SIPA1L2: variants seen among roughly 807,000 people sequenced by gnomAD.
SIPA1L2 encodes the protein signal induced proliferation associated 1 like 2, also known as signal-induced proliferation-associated 1-like protein 2.
SIPA1L2 carries 56 observed loss-of-function variants against 163.9 expected under a neutral mutation model. The observed-to-expected ratio is 0.34, with a 90% CI of 0.28 to 0.43. The LOEUF (loss-of-function observed/expected upper bound fraction) is 0.43. SIPA1L2 is among the 20% of genes least tolerant of loss of function. SIPA1L2 has a pLI of 1.00. For missense variants in SIPA1L2, 1,974 were observed against 2,193.5 expected, an observed-to-expected ratio of 0.90 and a Z score of 2.00; for synonymous variants, 877 against 865.7, an observed-to-expected ratio of 1.01 and a Z score of -0.23.
intron 9 of SIPA1L2, 102 bp from the exon 10 acceptor site, chr1:232,461,263 G>A: frequency 1.4e-6 from 2 of 1,440,730 alleles, no homozygotes; most frequent in Non-Finnish European, 1.9e-6. Flanking sequence ...CCTCTCCCTT[G>A]GGCCCTCGCA....
At chr1:232,556,531 A>G (rs1410131210) in intron 2 of SIPA1L2, among the ~76,000 whole-genome samples, 3 of 152,208 alleles carry the variant, frequency 2.0e-5, no homozygotes, top group African/African-American at 7.2e-5. Context: ...GCAGCTATCA[A>G]TGGCACATAA....
intron 1 of SIPA1L2, among the ~76,000 whole-genome samples, chr1:232,590,128 G>C (rs1660886254): frequency 6.6e-6 from 1 of 152,108 alleles, no homozygotes; most frequent in Non-Finnish European, 1.5e-5. Context: ...CCCCACAAGG[G>C]AAGTCAAGTC....
chr1:232,611,443 C>A (rs973912236), intron 1 of SIPA1L2, among the ~76,000 whole-genome samples: 24 of 152,106 alleles, frequency 1.6e-4, no homozygotes, highest in African/African-American at 5.3e-4. Context: ...TGGAACTTGC[C>A]TGAGACTCGT....
rs55961523 is a variant in SIPA1L2 at position 232,424,322 on chromosome 1, CAAAAAAAAAAAAA to C, written c.4630+1254_4630+1266del. 7.1e-3 allele frequency among the ~76,000 whole-genome samples: 513 copies of C among 71,820 alleles called. 5 individuals carry two copies. Among genetic ancestry groups the C allele is most frequent in the African/African-American group, 0.027 (487 of 18,088 alleles). 47.1% of individuals were successfully genotyped at this position (71,820 alleles called of 152,430 possible). A position where few individuals can be genotyped will look rare whatever the true frequency, so the allele number is the denominator to read the frequency against. On this transcript the variant is annotated intron_variant, in intron 18 of 22. Transcript: ENST00000674635. ...TCTATTTTTTTTTAAGTGAAGCTAACAAAAAAAAAAAAAAAAAAAAAAAAAAAAGGACATACAT... is the reference window on the plus strand; with the variant it reads ...TCTATTTTTTTTTAAGTGAAGCTAACAAAAAAAAAAAAAAAGGACATACAT...
intron 2 of SIPA1L2, among the ~76,000 whole-genome samples, chr1:232,534,334 A>G (rs1463699682): frequency 2.6e-5 from 4 of 152,234 alleles, no homozygotes; most frequent in Non-Finnish European, 4.4e-5. Flanking sequence ...CTGGCTATCT[A>G]TATACAAAAG....
At chr1:232,502,726 C>T (rs1666543216) in intron 3 of SIPA1L2, among the ~76,000 whole-genome samples, 1 of 152,182 alleles carries the variant, frequency 6.6e-6, no homozygotes, top group African/African-American at 2.4e-5. Flanking sequence ...AGCTTTTATG[C>T]CTCCTAACCA....
At chr1:232,549,995 GA>G (rs1553311421) in intron 2 of SIPA1L2, among the ~76,000 whole-genome samples, 1 of 152,166 alleles carries the variant, frequency 6.6e-6, no homozygotes, top group Non-Finnish European at 1.5e-5. Context: ...TTTCTGTGCA[GA>G]AATAGAGAAT....
chr1:232,541,854 T>TA (rs10585668), intron 2 of SIPA1L2, among the ~76,000 whole-genome samples: 56 of 135,686 alleles, frequency 4.1e-4, no homozygotes, highest in East Asian at 3.8e-3. Context: ...CCTACAGATT[T>TA]AAAAAAAAAA....
intron 3 of SIPA1L2, among the ~76,000 whole-genome samples, chr1:232,499,787 T>C (rs1666372190): frequency 6.8e-6 from 1 of 147,804 alleles, no homozygotes; most frequent in Non-Finnish European, 1.5e-5. Context: ...AATGCCTAGT[T>C]TCAAAGCTTC....
intron 22 of SIPA1L2, among the ~76,000 whole-genome samples, chr1:232,399,849 T>C (rs920977629): frequency 1.3e-5 from 2 of 151,522 alleles, no homozygotes; most frequent in Admixed American, 6.5e-5. Context: ...GCAGTTTCAG[T>C]TCCCCCCCTG....
Position 232,465,186 on chromosome 1 carries a change from G to A in SIPA1L2, c.2474C>T (p.Ser825Phe). The A allele has an allele frequency of 6.2e-7, 1 of 1,614,206 alleles. No individual in the cohort carries two copies. Among genetic ancestry groups the A allele is most frequent in the African/African-American group, 1.3e-5 (1 of 75,046 alleles). The change falls in exon 9 of 23, where the codon TCT (serine) becomes TTT (phenylalanine). Residue 825 changes from serine to phenylalanine, a missense_variant. By Grantham distance (155) the Ser-to-Phe change is radical (BLOSUM62 -2). This residue lies in a region of SIPA1L2 where 288 missense variants were observed against 418.9 expected (regional missense o/e 0.69). Transcript: ENST00000674635. The surrounding 1 kb of genome is among the most constrained non-coding windows in gnomAD (Gnocchi z 4.1). ...NFVTTATVDT[S>F]VKFSFITLGA... ...CAGCGTAATGAAGCTGAACTTCACA[G>A]AGGTATCCACGGTGGCGGTTGTGAC...
At chr1:232,458,196 T>G (rs1189372258) in intron 10 of SIPA1L2, among the ~76,000 whole-genome samples, 2 of 152,204 alleles carry the variant, frequency 1.3e-5, no homozygotes, top group African/African-American at 2.4e-5. Context: ...GGGAATGACA[T>G]TAATGAGACT....
chr1:232,577,642 A>G (rs1159093847), intron 1 of SIPA1L2, among the ~76,000 whole-genome samples: 5 of 152,188 alleles, frequency 3.3e-5, no homozygotes, highest in Admixed American at 6.5e-5. Context: ...GGAGTTTGGA[A>G]GAAGTTGACT....
In SIPA1L2 at chr1:232,627,085, C is replaced by A. The variant is rs546172411; in HGVS notation, c.-319+2784G>T. ...AAGCAGCTTTTCAATTAACAATACCCTAGTCTAAATTTTCTTCAAATTCAG... is the reference window on the plus strand; with the variant it reads ...AAGCAGCTTTTCAATTAACAATACCATAGTCTAAATTTTCTTCAAATTCAG... On this transcript the variant is annotated intron_variant, in intron 1 of 22. Transcript: ENST00000674635. Among the ~76,000 whole-genome samples, 8 of 152,250 alleles carry A rather than the reference C, an allele frequency of 5.3e-5. No homozygotes were observed. The South Asian group carries it at 1.7e-3, about 32-fold the overall frequency.
chr1:232,624,366 G>A (rs558665917), intron 1 of SIPA1L2, among the ~76,000 whole-genome samples: 23 of 152,254 alleles, frequency 1.5e-4, no homozygotes, highest in Non-Finnish European at 2.5e-4. Context: ...AGCTATTCCT[G>A]AACAATGTGA....
Position 232,477,203 on chromosome 1 carries a change from C to T in SIPA1L2, c.2085+2424G>A, listed in dbSNP as rs143942319. On this transcript the variant is annotated intron_variant, in intron 7 of 22. Coordinates refer to ENST00000674635, the MANE Select transcript of SIPA1L2 (RefSeq NM_020808.5). ...GAAATAATTGATAAATTTAGTCTCT[C>T]ACTTTCTTAACCATTCAGAGTCTTA... Among the ~76,000 whole-genome samples the T allele has an allele frequency of 1.1e-3, 171 of 152,302 alleles. 1 individual carries two copies. Among genetic ancestry groups the T allele is most frequent in the African/African-American group, 3.7e-3 (152 of 41,566 alleles).
At chr1:232,457,743 T>G (rs1434994802) in intron 10 of SIPA1L2, among the ~76,000 whole-genome samples, 1 of 152,182 alleles carries the variant, frequency 6.6e-6, no homozygotes, top group Non-Finnish European at 1.5e-5. Context: ...CTACAGTTTC[T>G]TAACAAATCT....
chr1:232,487,976 CAG>C (rs1553298452), intron 5 of SIPA1L2, among the ~76,000 whole-genome samples: 1 of 151,536 alleles, frequency 6.6e-6, no homozygotes, highest in Non-Finnish European at 1.5e-5. Context: ...TTTTTTGAGA[CAG>C]AGTCTCACTC....
At chr1:232,627,268 A>C (rs957238528) in intron 1 of SIPA1L2, among the ~76,000 whole-genome samples, 2 of 152,236 alleles carry the variant, frequency 1.3e-5, no homozygotes, top group Non-Finnish European at 2.9e-5. Flanking sequence ...AGTTCTTTGC[A>C]AAGTATGCAG....
Sources: allele counts gnomAD v4.1 joint callset (sites outside exome capture counted in the v4.1 genomes callset), GRCh38; gene constraint gnomAD v4.1.1; regional missense constraint gnomAD v4.1.1; non-coding constraint Gnocchi (gnomAD v3.1); transcripts MANE v1.5; gene names NCBI Gene and HGNC (gene_info 2026-07-23, HGNC 2026-07-21).